The following SNX4 variants were observed in gnomAD, a reference collection of about 807,000 sequenced individuals.
SNX4 encodes sorting nexin 4.
In SNX4, 49 loss-of-function variants were observed where a neutral mutation model predicts 70.8. The observed-to-expected ratio is 0.69, with a 90% confidence interval of 0.55 to 0.88. The LOEUF is 0.88. Among genes scored for constraint, SNX4 ranks in the 40% least tolerant of loss-of-function variants. The probability of loss-of-function intolerance (pLI) is 0.00; values close to 1 mark genes in which losing one functional copy is unlikely to be tolerated. For missense variants in SNX4, 528 were observed against 544.8 expected (o/e 0.97, Z 0.31); for synonymous variants, 206 against 183.8 (o/e 1.12, Z -0.98).
At chr3:125,497,421 T>C (rs988415104) in intron 4 of SNX4, 33 bp from the exon 5 acceptor site, 18 of 1,307,174 alleles carry the variant, frequency 1.4e-5, no homozygotes, top group Non-Finnish European at 1.8e-5. Flanking sequence ...GAAATCATTA[T>C]TGCAAAGCAA....
intron 1 of SNX4, among the ~76,000 whole-genome samples, chr3:125,506,359 TAG>T: frequency 6.6e-6 from 1 of 151,236 alleles, no homozygotes; most frequent in Non-Finnish European, 1.5e-5. Context: ...TTTTTTTTTT[TAG>T]ACAGAGTCTA....
chr3:125,482,686 A>C (rs1290601541), intron 6 of SNX4, among the ~76,000 whole-genome samples: 1 of 152,116 alleles, frequency 6.6e-6, no homozygotes, highest in African/African-American at 2.4e-5. Flanking sequence ...CAAACTCTGT[A>C]ATGTGGCTTA....
At chr3:125,483,228 C>T (rs989604182) in intron 6 of SNX4, among the ~76,000 whole-genome samples, 3 of 151,568 alleles carry the variant, frequency 2.0e-5, no homozygotes, top group African/African-American at 7.3e-5. Flanking sequence ...GAGCCAGTTA[C>T]AACTGAGCTG....
intron 2 of SNX4, among the ~76,000 whole-genome samples, chr3:125,503,648 C>CT (rs1344021703): frequency 2.0e-5 from 3 of 152,152 alleles, no homozygotes; most frequent in African/African-American, 7.2e-5. Context: ...TCCTAGAATT[C>CT]TTTGTTAACC....
At chr3:125,491,289 A>G (rs950995647) in intron 5 of SNX4, among the ~76,000 whole-genome samples, 1 of 152,210 alleles carries the variant, frequency 6.6e-6, no homozygotes, top group Non-Finnish European at 1.5e-5. Context: ...AAATCACTAA[A>G]AACCAAAGGC....
intron 1 of SNX4, among the ~76,000 whole-genome samples, chr3:125,512,575 A>T (rs1161432144): frequency 6.6e-6 from 1 of 152,220 alleles, no homozygotes; most frequent in African/African-American, 2.4e-5. Flanking sequence ...AAAAGGACAC[A>T]TTCAACAGAT....
At chr3:125,503,489 C>T (rs1036508072) in intron 2 of SNX4, among the ~76,000 whole-genome samples, 1 of 152,072 alleles carries the variant, frequency 6.6e-6, no homozygotes, top group Non-Finnish European at 1.5e-5. Flanking sequence ...TTTTTACTCA[C>T]CAAGTTCTTT....
intron 12 of SNX4, among the ~76,000 whole-genome samples, chr3:125,452,384 C>T (rs1343272434): frequency 1.3e-5 from 2 of 151,668 alleles, no homozygotes; most frequent in Admixed American, 1.3e-4. Context: ...GTGTGAGCCA[C>T]CACGGCCAGC....
At chr3:125,501,329 T>C (rs1368284998) in intron 2 of SNX4, among the ~76,000 whole-genome samples, 1 of 151,890 alleles carries the variant, frequency 6.6e-6, no homozygotes, top group Admixed American at 6.6e-5. Context: ...ATCAAAATCA[T>C]GGTCCAGCTG....
intron 5 of SNX4, 149 bp from the exon 6 acceptor site, chr3:125,489,612 G>T: frequency 1.5e-6 from 1 of 647,412 alleles, no homozygotes. Flanking sequence ...TAAAAAAATA[G>T]CTTAGTAATT....
At chr3:125,518,409 C>A (rs550946235) in intron 1 of SNX4, among the ~76,000 whole-genome samples, 128 of 152,178 alleles carry the variant, frequency 8.4e-4, no homozygotes, top group African/African-American at 2.8e-3. Context: ...TTGCAGTGAG[C>A]CATGATTGTG....
At chr3:125,474,492 T>C (rs1934249020) in intron 8 of SNX4, among the ~76,000 whole-genome samples, 1 of 152,060 alleles carries the variant, frequency 6.6e-6, no homozygotes, top group Non-Finnish European at 1.5e-5. Flanking sequence ...TTTTAAACTA[T>C]TTTTGTAGAG....
intron 9 of SNX4, among the ~76,000 whole-genome samples, chr3:125,465,086 T>C (rs929986157): frequency 5.3e-5 from 8 of 152,058 alleles, no homozygotes; most frequent in Non-Finnish European, 4.4e-5. Context: ...TTTGCCATGT[T>C]GCCCAGGCTG....
intron 8 of SNX4, 119 bp downstream of exon 8, chr3:125,476,576 C>T (rs965158890): frequency 1.2e-5 from 8 of 693,270 alleles, no homozygotes; most frequent in East Asian, 2.9e-5. Flanking sequence ...TCTCAAAAAA[C>T]AAAAACAAAC....
At chr3:125,457,845 G>A (rs566059909) in intron 10 of SNX4, among the ~76,000 whole-genome samples, 6 of 151,892 alleles carry the variant, frequency 4.0e-5, no homozygotes, top group Admixed American at 3.3e-4. Context: ...CCAAAGTACT[G>A]GGATTACAGG....
At chr3:125,454,584 C>T (rs1263753827) in intron 11 of SNX4, among the ~76,000 whole-genome samples, 3 of 152,200 alleles carry the variant, frequency 2.0e-5, no homozygotes, top group African/African-American at 7.2e-5. Context: ...GCAAATACTA[C>T]ACCATTTTAT....
At chr3:125,480,436 T>C in intron 6 of SNX4, 117 bp from the exon 7 acceptor site, 1 of 443,416 alleles carries the variant, frequency 2.3e-6, no homozygotes, top group East Asian at 3.7e-5. Flanking sequence ...AACCATATGC[T>C]GGCCTTAAAC....
At chr3:125,468,649 C>A (rs531416250) in intron 9 of SNX4, among the ~76,000 whole-genome samples, 11 of 152,074 alleles carry the variant, frequency 7.2e-5, no homozygotes, top group Non-Finnish European at 1.6e-4. Flanking sequence ...AGTCCAAGAT[C>A]GACCTGGGCA....
At chr3:125,494,463 CAT>C (rs1333854063) in intron 5 of SNX4, among the ~76,000 whole-genome samples, 2 of 152,100 alleles carry the variant, frequency 1.3e-5, no homozygotes, top group Admixed American at 1.3e-4. Flanking sequence ...GCAAAATAAA[CAT>C]AGTATAATTA....
Sources: allele counts gnomAD v4.1 joint callset (sites outside exome capture counted in the v4.1 genomes callset), GRCh38; gene constraint gnomAD v4.1.1; transcripts MANE v1.5; gene names NCBI Gene and HGNC (gene_info 2026-07-23, HGNC 2026-07-21).